The following DACH2 variants were observed in gnomAD, a reference collection of about 807,000 sequenced individuals.
The protein encoded by DACH2 is dachshund family transcription factor 2.
A neutral mutation model predicts 35.8 loss-of-function variants in DACH2; 17 were observed. That is an observed-to-expected ratio of 0.48 (90% CI 0.33 to 0.71). DACH2 has a LOEUF of 0.71. DACH2 is among the 30% of genes least tolerant of loss of function. The pLI is 0.02. For missense variants in DACH2, 469 were observed against 472.7 expected (o/e 0.99, Z 0.07); for synonymous variants, 195 against 177.3 (o/e 1.10, Z -0.79).
intron 1 of DACH2, among the ~76,000 whole-genome samples, chrX:86,279,147 G>T (rs1298345656): frequency 1.8e-5 from 2 of 112,197 alleles, no homozygotes; most frequent in African/African-American, 6.5e-5. Flanking sequence ...CTGCCTGCTG[G>T]CTCTGAAGAG....
intron 3 of DACH2, among the ~76,000 whole-genome samples, chrX:86,581,344 T>C (rs1371149496): frequency 9.0e-6 from 1 of 111,137 alleles, no homozygotes; most frequent in Non-Finnish European, 1.9e-5. Context: ...CCAGCTAACA[T>C]CACAATGACA....
chrX:86,741,892 C>A (rs1195545332), intron 7 of DACH2, among the ~76,000 whole-genome samples: 1 of 111,205 alleles, frequency 9.0e-6, no homozygotes, highest in Non-Finnish European at 1.9e-5. Flanking sequence ...CAGTAGCTAA[C>A]ATGTAATTTA....
chrX:86,235,644 CTT>C (rs1259559453), intron 1 of DACH2, among the ~76,000 whole-genome samples: 2 of 112,015 alleles, frequency 1.8e-5, no homozygotes, highest in Non-Finnish European at 3.8e-5. Context: ...TGTACAAAAA[CTT>C]TGTTTCATGC....
chrX:86,798,464 A>G (rs1181644526), intron 7 of DACH2: 3 of 113,339 alleles, frequency 2.6e-5, no homozygotes, highest in African/African-American at 9.7e-5. Context: ...TGTACTTTAT[A>G]TGTATATTTT....
At chrX:86,251,392 G>T (rs1407633742) in intron 1 of DACH2, among the ~76,000 whole-genome samples, 1 of 110,750 alleles carries the variant, frequency 9.0e-6, no homozygotes, top group African/African-American at 3.3e-5. Flanking sequence ...TTGGTTACAT[G>T]AGTAAGTTCT....
At chrX:86,414,736 G>A (rs1602494399) in intron 2 of DACH2, among the ~76,000 whole-genome samples, 1 of 111,344 alleles carries the variant, frequency 9.0e-6, no homozygotes, top group East Asian at 2.9e-4. Flanking sequence ...ACTCACAGTG[G>A]GACATCTTTT....
intron 1 of DACH2, among the ~76,000 whole-genome samples, chrX:86,193,749 T>C (rs139632784): frequency 0.033 from 3,612 of 110,649 alleles, 143 homozygotes; most frequent in African/African-American, 0.11. Flanking sequence ...GAACAGTAAT[T>C]GCCCTTACCA....
chrX:86,315,410 T>C (rs1362400485), intron 1 of DACH2, among the ~76,000 whole-genome samples: 1 of 112,412 alleles, frequency 8.9e-6, no homozygotes, highest in Non-Finnish European at 1.9e-5. Flanking sequence ...GTTGTTTTCA[T>C]GACTGCTAAC....
At chrX:86,172,585 T>A (rs1231160267) in intron 1 of DACH2, among the ~76,000 whole-genome samples, 1 of 112,222 alleles carries the variant, frequency 8.9e-6, no homozygotes, top group Non-Finnish European at 1.9e-5. Flanking sequence ...CAGAGCCAAT[T>A]CTTGAATCTA....
intron 7 of DACH2, among the ~76,000 whole-genome samples, chrX:86,752,357 T>C (rs1602897796): frequency 9.1e-6 from 1 of 110,402 alleles, no homozygotes; most frequent in East Asian, 2.8e-4. Flanking sequence ...ATTACTGATG[T>C]TGACCAACTT....
chrX:86,578,327 G>T (rs1286249955), intron 3 of DACH2, among the ~76,000 whole-genome samples: 4 of 103,541 alleles, frequency 3.9e-5, no homozygotes, highest in African/African-American at 1.1e-4. Context: ...AGAAAAATAG[G>T]TTTTTTTTTT....
intron 2 of DACH2, among the ~76,000 whole-genome samples, chrX:86,433,139 A>G (rs2037011935): frequency 8.9e-6 from 1 of 111,957 alleles, no homozygotes; most frequent in African/African-American, 3.2e-5. Context: ...TTAGTTTTTA[A>G]AAGTTTTTGG....
At chrX:86,249,931 C>T (rs931904985) in intron 1 of DACH2, among the ~76,000 whole-genome samples, 2 of 111,377 alleles carry the variant, frequency 1.8e-5, no homozygotes, top group African/African-American at 6.5e-5. Context: ...GGTTATCATC[C>T]TAAGCAAATT....
rs763792301 is a variant in DACH2 at position 86,385,341 on chromosome X, A to G, written c.527+8479A>G. On this transcript the variant is annotated intron_variant, in intron 2 of 11. Coordinates refer to ENST00000373125, the MANE Select transcript of DACH2 (RefSeq NM_053281.3). The stretch of plus-strand genomic sequence containing the variant: ...TAAGTGAAGGGATTTGGAACATCTG[A>G]TTGACACATCCCATTTAAAAATGGT... Among the ~76,000 whole-genome samples, 6 of 111,624 alleles carry G rather than the reference A, an allele frequency of 5.4e-5. No individual in the cohort carries two copies. In the South Asian group the frequency reaches 2.2e-3, roughly 41 times the overall value.
intron 1 of DACH2, among the ~76,000 whole-genome samples, chrX:86,164,424 G>T (rs1405589346): frequency 9.0e-6 from 1 of 111,586 alleles, no homozygotes; most frequent in Non-Finnish European, 1.9e-5. Flanking sequence ...CTGTGCAGAA[G>T]CTCTTAAATT....
chrX:86,533,412 T>C (rs1451014452), intron 3 of DACH2, among the ~76,000 whole-genome samples: 1 of 112,280 alleles, frequency 8.9e-6, no homozygotes, highest in Non-Finnish European at 1.9e-5. Context: ...TTATTGTAAC[T>C]TTCTATCATC....
intron 2 of DACH2, among the ~76,000 whole-genome samples, chrX:86,508,286 A>G (rs943778654): frequency 9.9e-5 from 11 of 111,314 alleles, no homozygotes; most frequent in Non-Finnish European, 2.1e-4. Flanking sequence ...CGGCTGGGCG[A>G]AGTGACTCTC....
At chrX:86,506,303 G>T (rs957069220) in intron 2 of DACH2, among the ~76,000 whole-genome samples, 7 of 111,974 alleles carry the variant, frequency 6.3e-5, no homozygotes, top group Admixed American at 9.5e-5. Flanking sequence ...GCTGAGTTTG[G>T]CTTACTAAAA....
chrX:86,243,088 A>G (rs1005314050), intron 1 of DACH2, among the ~76,000 whole-genome samples: 1 of 111,821 alleles, frequency 8.9e-6, no homozygotes, highest in Non-Finnish European at 1.9e-5. Context: ...CCAACAGAGT[A>G]GTATTATTTT....
Sources: allele counts gnomAD v4.1 joint callset (sites outside exome capture counted in the v4.1 genomes callset), GRCh38; gene constraint gnomAD v4.1.1; transcripts MANE v1.5; gene names NCBI Gene and HGNC (gene_info 2026-07-23, HGNC 2026-07-21).